KIF1B: variants seen among roughly 807,000 people sequenced by gnomAD.
The protein encoded by KIF1B is kinesin-like protein KIF1B.
KIF1B carries 76 observed loss-of-function variants against 241.9 expected under a neutral mutation model. The ratio of observed to expected loss-of-function variants is 0.31; its 90% CI spans 0.26 to 0.38. The LOEUF (loss-of-function observed/expected upper bound fraction) is 0.38, where lower values mean the gene tolerates loss of function less well. Ranked by LOEUF, KIF1B falls within the 10% of genes least tolerant of loss-of-function variation. KIF1B has a pLI of 1.00. For synonymous variants in KIF1B, 750 were observed against 796.7 expected, an observed-to-expected ratio of 0.94 and a Z score of 0.99; for missense variants, 1,622 against 2,271.4, an observed-to-expected ratio of 0.71 and a Z score of 5.81.
chr1:10,375,772 T>C (rs1459128487), intron 48 of KIF1B, among the ~76,000 whole-genome samples: 1 of 146,968 alleles, frequency 6.8e-6, no homozygotes, highest in Non-Finnish European at 1.5e-5. Context: ...TTTTCTTTTC[T>C]TTTTTCTTTT....
At chr1:10,281,423 G>A (rs1649400507) in intron 14 of KIF1B, among the ~76,000 whole-genome samples, 2 of 151,946 alleles carry the variant, frequency 1.3e-5, no homozygotes, top group Non-Finnish European at 2.9e-5. Flanking sequence ...TACCAATACT[G>A]AGTGTAAAAG....
At chr1:10,259,189 G>GA (rs1557670583) in intron 4 of KIF1B, among the ~76,000 whole-genome samples, 2 of 148,456 alleles carry the variant, frequency 1.3e-5, no homozygotes, top group East Asian at 3.9e-4. Context: ...GTATTATTGG[G>GA]TTTGATCCTT....
chr1:10,287,039 G>A (rs1433957883), intron 15 of KIF1B, among the ~76,000 whole-genome samples: 4 of 152,106 alleles, frequency 2.6e-5, no homozygotes, highest in Admixed American at 6.6e-5. Flanking sequence ...TTTTGCACTT[G>A]GCTTCCCTAT....
At chr1:10,358,606 C>G (rs1371455480) in intron 38 of KIF1B, among the ~76,000 whole-genome samples, 1 of 151,474 alleles carries the variant, frequency 6.6e-6, no homozygotes, top group African/African-American at 2.4e-5. Context: ...TCACTTGAAC[C>G]CGGCATGAGG....
chr1:10,324,496 A>G (rs899916468), intron 25 of KIF1B, among the ~76,000 whole-genome samples: 2 of 152,112 alleles, frequency 1.3e-5, no homozygotes, highest in African/African-American at 4.8e-5. Flanking sequence ...GACCTACAAT[A>G]TTCCCCCTTA....
At chr1:10,367,233 G>A (rs1383887381) in intron 43 of KIF1B, among the ~76,000 whole-genome samples, 1 of 150,282 alleles carries the variant, frequency 6.7e-6, no homozygotes, top group Non-Finnish European at 1.5e-5. Flanking sequence ...GTAGCTTGGA[G>A]TACAGGCATG....
chr1:10,376,425 C>G, intron 48 of KIF1B, 120 bp from the exon 49 acceptor site: 1 of 959,212 alleles, frequency 1.0e-6, no homozygotes, highest in Non-Finnish European at 1.7e-6. Context: ...GCTTAGAGGA[C>G]TAGGCCTGCG....
chr1:10,319,275 T>C (rs1317819872), intron 22 of KIF1B, among the ~76,000 whole-genome samples: 1 of 152,112 alleles, frequency 6.6e-6, no homozygotes, highest in African/African-American at 2.4e-5. Flanking sequence ...CTAATTTTTG[T>C]ATTTTTAGTA....
At chr1:10,218,100 C>T (rs1474869738) in intron 1 of KIF1B, among the ~76,000 whole-genome samples, 3 of 152,150 alleles carry the variant, frequency 2.0e-5, no homozygotes, top group African/African-American at 4.8e-5. Context: ...TTTGCTCTCT[C>T]CTGCTCATCA....
chr1:10,214,276 CTTCTTTCTTTCT>C (rs544003990), intron 1 of KIF1B, among the ~76,000 whole-genome samples: 9 of 151,686 alleles, frequency 5.9e-5, no homozygotes, highest in Non-Finnish European at 1.3e-4. Flanking sequence ...CACTTTACCA[CTTCTTTCTTTCT>C]TTCTTTCTTT....
At chr1:10,267,915 G>A (rs1301049025) in intron 6 of KIF1B, among the ~76,000 whole-genome samples, 1 of 152,190 alleles carries the variant, frequency 6.6e-6, no homozygotes, top group African/African-American at 2.4e-5. Flanking sequence ...TTTCTAAAGG[G>A]ATAGCTGGAG....
intron 27 of KIF1B, among the ~76,000 whole-genome samples, chr1:10,330,054 C>G (rs1225499884): frequency 6.6e-6 from 1 of 152,136 alleles, no homozygotes; most frequent in Non-Finnish European, 1.5e-5. Flanking sequence ...CAGTTTGTTC[C>G]ACTTTTTGAA....
Position 10,324,759 on chromosome 1 carries a change from C to A in KIF1B, c.2539C>A (p.Gln847Lys). The change falls in exon 26 of 49, where the codon CAG (glutamine) becomes AAG (lysine). Residue 847 changes from glutamine to lysine, a missense_variant and splice_region_variant. Coordinates refer to ENST00000676179, the MANE Select transcript of KIF1B (RefSeq NM_001365951.3). ...ATGTGCTTTGTGTTTACTAAATAGG[C>A]AGAGGCTGGATTTGATGCGAGAGAT... ...THYWSLEKLK[Q>K]RLDLMREMYD... 1 of 1,613,732 alleles carries A rather than the reference C, an allele frequency of 6.2e-7. No homozygotes were observed. The highest frequency in any genetic ancestry group is 8.5e-7 in the Non-Finnish European group (1 of 1,179,972).
chr1:10,355,087 AC>A (rs1335597593), intron 38 of KIF1B, among the ~76,000 whole-genome samples: 1 of 152,172 alleles, frequency 6.6e-6, no homozygotes, highest in Non-Finnish European at 1.5e-5. Context: ...TATTCTCAAT[AC>A]TAAGTCACCA....
intron 1 of KIF1B, among the ~76,000 whole-genome samples, chr1:10,218,108 T>C (rs1216741993): frequency 6.6e-6 from 1 of 152,106 alleles, no homozygotes; most frequent in African/African-American, 2.4e-5. Flanking sequence ...CTCCTGCTCA[T>C]CATAGCCAGG....
At chr1:10,339,962 A>AG in intron 32 of KIF1B, 103 bp downstream of exon 32, 1 of 952,142 alleles carries the variant, frequency 1.1e-6, no homozygotes, top group South Asian at 1.4e-5. Flanking sequence ...CTGGCTGTGC[A>AG]GGGGGAGAGT....
At chr1:10,243,845 A>G (rs1051289563) in intron 2 of KIF1B, among the ~76,000 whole-genome samples, 5 of 152,244 alleles carry the variant, frequency 3.3e-5, no homozygotes, top group African/African-American at 1.2e-4. Flanking sequence ...GGGAAGGGGC[A>G]GATGATTATC....
rs1325446319 is a variant in KIF1B, at chr1:10,378,149, C to T, written c.*1562C>T. On this transcript the variant is annotated 3_prime_UTR_variant, in exon 49 of 49. Transcript: ENST00000676179. ...GTGGCAGGCTTTGCTTTCTGGATCC[C>T]AGGATTAAAACTAACCGTGACCACT... is the stretch of plus-strand genomic sequence containing the variant. 15 of 588,020 alleles carry T rather than the reference C, an allele frequency of 2.6e-5. No homozygotes were observed. The highest frequency in any genetic ancestry group is 2.5e-4 in the East Asian group (9 of 35,964). 36.4% of individuals were successfully genotyped at this position (588,020 alleles called of 1,614,324 possible).
chr1:10,271,624 T>C (rs1312061132), intron 8 of KIF1B, 45 bp downstream of exon 8: 1 of 1,254,664 alleles, frequency 8.0e-7, no homozygotes, highest in Non-Finnish European at 1.2e-6. Flanking sequence ...AAATGGCCAC[T>C]ACCTGTTTTT....
Sources: gnomAD v4.1 joint callset for allele counts (sites outside exome capture counted in the v4.1 genomes callset) on GRCh38, gnomAD v4.1.1 for gene constraint, MANE v1.5 for transcripts, NCBI Gene and HGNC (gene_info 2026-07-23, HGNC 2026-07-21) for gene names.